CCDC163: variants seen among roughly 807,000 people sequenced by gnomAD.
CCDC163 encodes CCDC163 homolog.
In CCDC163, 13 loss-of-function variants were observed where a neutral mutation model predicts 8.2. The observed-to-expected ratio is 1.59, with a 90% confidence interval of 1.04 to 2.54. The LOEUF (loss-of-function observed/expected upper bound fraction) is 2.54. Ranked by LOEUF, CCDC163 falls within the 30% of genes most tolerant of loss-of-function variation. CCDC163 has a pLI of 0.00. For synonymous variants in CCDC163, 41 were observed against 30.9 expected, an observed-to-expected ratio of 1.33 and a Z score of -1.08; for missense variants, 117 against 78.6, an observed-to-expected ratio of 1.49 and a Z score of -1.85.
intron 2 of CCDC163, among the ~76,000 whole-genome samples, chr1:45,498,290 CA>C (rs1643417682): frequency 6.6e-6 from 1 of 150,516 alleles, no homozygotes; most frequent in Non-Finnish European, 1.5e-5. Context: ...GACCTTTGTT[CA>C]CTTGTTTATC....
rs1654048513 is a variant in CCDC163, at chr1:45,495,641, C to CTGG, written c.331-478_331-476dup. On this transcript the variant is annotated intron_variant, in intron 4 of 4. Transcript: ENST00000629482. ...TGTCCTCCTTCCTCAGGCTAGGACT[C>CTGG]TGGTCTCCTCCCTCTTTTTTTTTTT... The CTGG allele has an allele frequency of 5.2e-5, 31 of 601,510 alleles. No homozygotes were observed. The South Asian group carries it at 5.2e-4, about 10-fold the overall frequency. The allele number at this position is 601,510 out of a possible 1,614,324, so 37.3% of individuals were successfully genotyped here. A position where few individuals can be genotyped will look rare whatever the true frequency, so the allele number is the denominator to read the frequency against.
intron 4 of CCDC163, among the ~76,000 whole-genome samples, chr1:45,496,052 C>T (rs1397316453): frequency 6.6e-6 from 1 of 152,320 alleles, no homozygotes; most frequent in Non-Finnish European, 1.5e-5. Context: ...AACCCAGATA[C>T]TCATACTACC....
intron 4 of CCDC163, 91 bp downstream of exon 4, chr1:45,496,465 T>C (rs41302744): frequency 0.071 from 50,759 of 719,722 alleles, 6,429 homozygotes; most frequent in East Asian, 0.44. Context: ...CAGGAGAGGG[T>C]ATCCTGGCCT....
At chr1:45,496,369 C>T (rs1247649831) in intron 4 of CCDC163, 187 bp downstream of exon 4, 1 of 689,674 alleles carries the variant, frequency 1.4e-6, no homozygotes, top group East Asian at 2.7e-5. Flanking sequence ...AGGATAGTTT[C>T]TCATGGCCGG....
At chr1:45,497,555 G>A (rs950569383) in intron 2 of CCDC163, among the ~76,000 whole-genome samples, 172 bp from the exon 3 acceptor site, 20 of 146,640 alleles carry the variant, frequency 1.4e-4, no homozygotes, top group African/African-American at 5.1e-4. Flanking sequence ...CTGGAGTGCA[G>A]TGGCGTGATC....
intron 4 of CCDC163, chr1:45,496,090 G>A (rs1292862813): frequency 7.1e-6 from 2 of 283,686 alleles, no homozygotes; most frequent in African/African-American, 4.4e-5. Context: ...ATCTAGGATA[G>A]CTGAACTTTG....
At chr1:45,496,170 AG>A (rs1654111568) in intron 4 of CCDC163, 1 of 347,672 alleles carries the variant, frequency 2.9e-6, no homozygotes, top group South Asian at 2.4e-5. Context: ...TGACCTAAGG[AG>A]GTTGTGCTCC....
Position 45,499,693 on chromosome 1 carries a change from C to CCGCT in CCDC163, c.-85_-84insAGCG. 1.4e-6 allele frequency: 1 copy of CCGCT among 696,170 alleles called. No homozygotes were observed. The allele number at this position is 696,170 out of a possible 1,614,324, so 43.1% of individuals were successfully genotyped here. On this transcript the variant is annotated 5_prime_UTR_variant, in exon 1 of 5. Coordinates refer to ENST00000629482, the MANE Select transcript of CCDC163 (RefSeq NM_001102601.3). The stretch of plus-strand genomic sequence containing the variant: ...TAGCGGGGGATACCCAAGGTATCCC[C>CCGCT]AGGAAAGGCCACCACGTTAGATGGA...
intron 4 of CCDC163, among the ~76,000 whole-genome samples, chr1:45,495,924 C>G (rs1033900408): frequency 6.6e-6 from 1 of 152,156 alleles, no homozygotes; most frequent in Non-Finnish European, 1.5e-5. Context: ...TCCCAAAGTG[C>G]TGGGATTATA....
chr1:45,495,005 G>A lies in CCDC163; in HGVS notation c.*54C>T. Reference sequence around the variant, plus strand: ...CCCAGAAACAGGGCCTTGGAGGGGAGGGTGGGCAAAGAAGCCTTCATCCTA... The same window carrying A: ...CCCAGAAACAGGGCCTTGGAGGGGAAGGTGGGCAAAGAAGCCTTCATCCTA... On this transcript the variant is annotated 3_prime_UTR_variant, in exon 5 of 5. Transcript: ENST00000629482. 1.3e-6 allele frequency: 1 copy of A among 779,628 alleles called. No homozygotes were observed. Among genetic ancestry groups the A allele is most frequent in the Non-Finnish European group, 2.4e-6 (1 of 417,328 alleles). The allele number at this position is 779,628 out of a possible 1,614,324, so 48.3% of individuals were successfully genotyped here. A position where few individuals can be genotyped will look rare whatever the true frequency, so the allele number is the denominator to read the frequency against.
At chr1:45,498,355 A>G (rs900002370) in intron 2 of CCDC163, 1 of 151,738 alleles carries the variant, frequency 6.6e-6, no homozygotes. Flanking sequence ...CCCCTCTGTG[A>G]GAAACACCCA....
rs1284743095 is a variant in CCDC163 at position 45,499,862 on chromosome 1, G to A, written c.-253C>T. On this transcript the variant is annotated 5_prime_UTR_variant, in exon 1 of 5. Transcript: ENST00000629482. ...CGTGATGATACGCAGATATCAGGTGGGGATTGAAGGTGCCAGAACCTGGTT... is the reference window on the plus strand; with the variant it reads ...CGTGATGATACGCAGATATCAGGTGAGGATTGAAGGTGCCAGAACCTGGTT... 7.4e-6 allele frequency: 4 copies of A among 543,124 alleles called. No homozygotes were observed. The highest frequency in any genetic ancestry group is 1.3e-5 in the Non-Finnish European group (4 of 301,578). 33.6% of individuals were successfully genotyped at this position (543,124 alleles called of 1,614,324 possible). A position where few individuals can be genotyped will look rare whatever the true frequency, so the allele number is the denominator to read the frequency against.
At chr1:45,497,818 C>A in intron 2 of CCDC163, among the ~76,000 whole-genome samples, 1 of 146,690 alleles carries the variant, frequency 6.8e-6, no homozygotes, top group Non-Finnish European at 1.5e-5. Flanking sequence ...TGCCTCTGCC[C>A]GGCCACCCCT....
In CCDC163 at chr1:45,495,051, C is replaced by T; in HGVS notation, c.*8G>A. On this transcript the variant is annotated 3_prime_UTR_variant, in exon 5 of 5. Coordinates refer to ENST00000629482, the MANE Select transcript of CCDC163 (RefSeq NM_001102601.3). ...TCCTACTATTCTTAACGAGTCCTTA[C>T]AGGTCATTCAGGAGCATTTTGGGGC... 1.3e-6 allele frequency: 1 copy of T among 780,798 alleles called. No individual in the cohort carries two copies. Among genetic ancestry groups the T allele is most frequent in the Non-Finnish European group, 2.4e-6 (1 of 417,956 alleles). The allele number at this position is 780,798 out of a possible 1,614,324, so 48.4% of individuals were successfully genotyped here. A position where few individuals can be genotyped will look rare whatever the true frequency, so the allele number is the denominator to read the frequency against.
chr1:45,495,644 G>A, intron 4 of CCDC163: 2 of 638,200 alleles, frequency 3.1e-6, no homozygotes, highest in East Asian at 2.8e-5. Context: ...TAGGACTCTG[G>A]TCTCCTCCCT....
At chr1:45,497,651 C>T (rs1214249357) in intron 2 of CCDC163, among the ~76,000 whole-genome samples, 49 of 98,184 alleles carry the variant, frequency 5.0e-4, no homozygotes, top group Non-Finnish European at 5.2e-4. Flanking sequence ...GCCGCCACCC[C>T]GTCTGGGAAG....
At position 45,500,051 on chromosome 1, in the gene CCDC163, C is replaced by T; in HGVS notation, c.-442G>A. 1 of 541,362 alleles carries T rather than the reference C, an allele frequency of 1.8e-6. No individual in the cohort carries two copies. The highest frequency in any genetic ancestry group is 3.3e-6 in the Non-Finnish European group (1 of 299,772). The allele number at this position is 541,362 out of a possible 1,614,324, so 33.5% of individuals were successfully genotyped here. On this transcript the variant is annotated 5_prime_UTR_variant, in exon 1 of 5. Transcript: ENST00000629482. ...CTGAGGTCGCCTCTTGCGAACACAA[C>T]CGGCGATGGAGGCGGTGGAACTACC... is the stretch of plus-strand genomic sequence containing the variant.
intron 2 of CCDC163, among the ~76,000 whole-genome samples, chr1:45,498,153 G>GTGCTT (rs1343720494): frequency 1.3e-5 from 2 of 151,886 alleles, no homozygotes; most frequent in Non-Finnish European, 2.9e-5. Context: ...GGTGCAAGAT[G>GTGCTT]TGCTTTGTTA....
At chr1:45,497,713 G>GTCAGCCCCCCACCCAGCCAGCGGCCCC in intron 2 of CCDC163, among the ~76,000 whole-genome samples, 1 of 52,350 alleles carries the variant, frequency 1.9e-5, no homozygotes, top group Non-Finnish European at 3.7e-5. Flanking sequence ...AGGTGGAGGG[G>GTCAGCCCCCCACCCAGCCAGCGGCCCC]GTCAGCCCCC....
Sources: allele counts gnomAD v4.1 joint callset (sites outside exome capture counted in the v4.1 genomes callset), GRCh38; gene constraint gnomAD v4.1.1; transcripts MANE v1.5; gene names NCBI Gene and HGNC (gene_info 2026-07-23, HGNC 2026-07-21).